The following MAPK10 variants were observed in gnomAD, a reference collection of about 807,000 sequenced individuals.
The protein encoded by MAPK10 is mitogen-activated protein kinase 10.
MAPK10 carries 25 observed loss-of-function variants against 59.3 expected under a neutral mutation model. The observed-to-expected ratio is 0.42, with a 90% CI of 0.31 to 0.59. The LOEUF is 0.59. MAPK10 is among the 20% of genes least tolerant of loss of function. MAPK10 has a pLI of 0.15. For synonymous variants in MAPK10, 190 were observed against 200.5 expected, an observed-to-expected ratio of 0.95 and a Z score of 0.44; for missense variants, 351 against 568.9, an observed-to-expected ratio of 0.62 and a Z score of 3.90.
intron 2 of MAPK10, chr4:86,268,594 T>C (rs921743967): frequency 6.6e-6 from 1 of 152,172 alleles, no homozygotes; most frequent in African/African-American, 2.4e-5. Flanking sequence ...ACTGCCCTTC[T>C]TTCTCTCTCT....
chr4:86,306,035 C>T (rs6826702), intron 2 of MAPK10, among the ~76,000 whole-genome samples: 39,726 of 151,914 alleles, frequency 0.26, 5,455 homozygotes, highest in South Asian at 0.43. Flanking sequence ...AATTACCAAA[C>T]TTTTTACCCA....
At position 86,198,351 on chromosome 4, in the gene MAPK10, C is replaced by T. The variant is rs533074246; in HGVS notation, c.-6-3944G>A. On this transcript the variant is annotated intron_variant, in intron 2 of 13. Coordinates refer to ENST00000641462, the MANE Select transcript of MAPK10 (RefSeq NM_138982.4). ...GTAATGCAACTGTGTGTGCTGAGGT[C>T]ACCTGAACATTACATCATCCTATGG... 7.2e-4 allele frequency among the ~76,000 whole-genome samples: 110 copies of T among 152,138 alleles called. 1 individual carries two copies. The highest frequency in any genetic ancestry group is 6.8e-3 in the Middle Eastern group (2 of 294).
intron 11 of MAPK10, among the ~76,000 whole-genome samples, chr4:86,039,922 C>T (rs2041162221): frequency 6.6e-6 from 1 of 152,140 alleles, no homozygotes; most frequent in South Asian, 2.1e-4. Flanking sequence ...AGACACCAAG[C>T]CCAGCCAACC....
At chr4:86,112,068 A>T (rs1046181134) in intron 4 of MAPK10, among the ~76,000 whole-genome samples, 1 of 150,876 alleles carries the variant, frequency 6.6e-6, no homozygotes, top group Admixed American at 6.6e-5. Flanking sequence ...TAACCCCTTT[A>T]TCATTTTTTA....
At chr4:86,274,799 T>G (rs1443724947) in intron 2 of MAPK10, among the ~76,000 whole-genome samples, 2 of 151,994 alleles carry the variant, frequency 1.3e-5, no homozygotes, top group Non-Finnish European at 2.9e-5. Flanking sequence ...TCTCAAGATA[T>G]TTTAAGGTAC....
chr4:86,066,038 G>A (rs1445355972), intron 10 of MAPK10, among the ~76,000 whole-genome samples: 1 of 152,002 alleles, frequency 6.6e-6, no homozygotes. Flanking sequence ...TATTTTTCAC[G>A]TAATATTAAC....
At chr4:86,267,513 G>C (rs1210464914) in intron 2 of MAPK10, among the ~76,000 whole-genome samples, 1 of 152,076 alleles carries the variant, frequency 6.6e-6, no homozygotes, top group Non-Finnish European at 1.5e-5. Flanking sequence ...TTCTCACCCT[G>C]AGTAAAAGGC....
intron 2 of MAPK10, among the ~76,000 whole-genome samples, chr4:86,223,124 AATTTTAC>A (rs1419458147): frequency 2.0e-5 from 3 of 152,092 alleles, no homozygotes; most frequent in African/African-American, 7.2e-5. Flanking sequence ...CTGCATTACA[AATTTTAC>A]TTTTTATCAT....
chr4:86,487,360 A>T lies in MAPK10; in HGVS notation c.-263+106550T>A, dbSNP rs75682408. ...AAAATAGTTCATAAAAGAGAGAGAG[A>T]GAGTGTGTGTGTGTGTGTGTGTGTA... On this transcript the variant is annotated intron_variant, in intron 1 of 4. Coordinates refer to the MAPK10 transcript ENST00000502302. 5.1e-4 allele frequency among the ~76,000 whole-genome samples: 17 copies of T among 33,056 alleles called. No individual in the cohort carries two copies. The South Asian group carries it at 6.8e-3, about 13-fold the overall frequency. The allele number at this position is 33,056 out of a possible 152,430, so 21.7% of individuals were successfully genotyped here.
chr4:86,477,668 G>C (rs762044046), intron 1 of MAPK10, among the ~76,000 whole-genome samples: 11 of 139,792 alleles, frequency 7.9e-5, no homozygotes, highest in African/African-American at 1.1e-4. Flanking sequence ...TCTCCTTACA[G>C]TTCCCCCATT....
intron 2 of MAPK10, among the ~76,000 whole-genome samples, chr4:86,226,525 A>G (rs1310929136): frequency 1.3e-5 from 2 of 152,258 alleles, no homozygotes; most frequent in South Asian, 2.1e-4. Context: ...TTTGTTGCAC[A>G]TAAGTTAGTA....
intron 2 of MAPK10, among the ~76,000 whole-genome samples, chr4:86,284,355 G>A (rs750206638): frequency 3.2e-4 from 48 of 152,132 alleles, no homozygotes; most frequent in Non-Finnish European, 6.3e-4. Flanking sequence ...AGAGAGCTGC[G>A]CATGCTCGGT....
chr4:86,127,113 A>G (rs1420803985), intron 4 of MAPK10, among the ~76,000 whole-genome samples: 1 of 151,978 alleles, frequency 6.6e-6, no homozygotes, highest in African/African-American at 2.4e-5. Flanking sequence ...TTGTATTTAA[A>G]GCACTGTTAT....
intron 1 of MAPK10, among the ~76,000 whole-genome samples, chr4:86,525,088 G>A (rs1389901455): frequency 7.2e-5 from 11 of 151,994 alleles, no homozygotes; most frequent in Admixed American, 6.6e-4. Context: ...GCTTGAGCTC[G>A]AGTTCGAGAC....
At chr4:86,212,884 T>A (rs1234805225) in intron 2 of MAPK10, among the ~76,000 whole-genome samples, 1 of 152,050 alleles carries the variant, frequency 6.6e-6, no homozygotes, top group Non-Finnish European at 1.5e-5. Flanking sequence ...AAATGAACAA[T>A]AGCTAATAGA....
chr4:86,064,096 T>G (rs1264020963), intron 11 of MAPK10, among the ~76,000 whole-genome samples, 170 bp downstream of exon 11: 2 of 152,202 alleles, frequency 1.3e-5, no homozygotes, highest in East Asian at 1.9e-4. Context: ...AAAAATGTAT[T>G]TAAAACATAT....
chr4:86,130,691 T>G (rs1195251442), intron 4 of MAPK10, among the ~76,000 whole-genome samples: 1 of 152,142 alleles, frequency 6.6e-6, no homozygotes, highest in Non-Finnish European at 1.5e-5. Flanking sequence ...CTTATGGATA[T>G]TCATTTCTGA....
At chr4:86,569,938 C>G (rs1039649955) in intron 1 of MAPK10, among the ~76,000 whole-genome samples, 1 of 151,980 alleles carries the variant, frequency 6.6e-6, no homozygotes. Context: ...TGTACTTGTA[C>G]CCCTAAGTCC....
chr4:86,393,379 A>G (rs906637299), intron 1 of MAPK10, among the ~76,000 whole-genome samples: 6 of 152,170 alleles, frequency 3.9e-5, no homozygotes, highest in Non-Finnish European at 8.8e-5. Context: ...ACAAAAAGAA[A>G]AAGTCTATTA....
Sources: gnomAD v4.1 joint callset for allele counts (sites outside exome capture counted in the v4.1 genomes callset) on GRCh38, gnomAD v4.1.1 for gene constraint, MANE v1.5 for transcripts, NCBI Gene and HGNC (gene_info 2026-07-23, HGNC 2026-07-21) for gene names.